Variants in SLC7A8 observed in about 807,000 individuals in gnomAD.
SLC7A8 encodes solute carrier family 7 member 8.
SLC7A8 carries 30 observed loss-of-function variants against 51.2 expected under a neutral mutation model. That is an observed-to-expected ratio of 0.59 (90% CI 0.44 to 0.80). The LOEUF (loss-of-function observed/expected upper bound fraction) is 0.80, where lower values mean the gene tolerates loss of function less well. SLC7A8 is among the 30% of genes least tolerant of loss of function. The probability of loss-of-function intolerance (pLI) is 0.00; values close to 1 mark genes in which losing one functional copy is unlikely to be tolerated. For synonymous variants in SLC7A8, 257 were observed against 275.8 expected (o/e 0.93, Z 0.67); for missense variants, 612 against 674.4 (o/e 0.91, Z 1.03).
At chr14:23,175,226 T>G (rs2048993678) in intron 1 of SLC7A8, among the ~76,000 whole-genome samples, 1 of 152,094 alleles carries the variant, frequency 6.6e-6, no homozygotes, top group African/African-American at 2.4e-5. Context: ...GTTTGTTTGT[T>G]TGTTTGTTGT....
chr14:23,177,337 A>C (rs569269395), intron 1 of SLC7A8, among the ~76,000 whole-genome samples: 16 of 152,386 alleles, frequency 1.0e-4, no homozygotes, highest in African/African-American at 3.8e-4. Flanking sequence ...CCAACTGTCC[A>C]ACCCTTGTTC....
intron 3 of SLC7A8, among the ~76,000 whole-genome samples, chr14:23,147,244 T>C (rs1174383096): frequency 6.6e-6 from 1 of 152,140 alleles, no homozygotes; most frequent in African/African-American, 2.4e-5. Context: ...TGTCTATCCA[T>C]CCACCCATCT....
At chr14:23,135,980 T>C (rs1049685733) in intron 7 of SLC7A8, among the ~76,000 whole-genome samples, 2 of 152,166 alleles carry the variant, frequency 1.3e-5, no homozygotes, top group Non-Finnish European at 2.9e-5. Flanking sequence ...TCAGTGCAAA[T>C]TGGACCACTT....
chr14:23,171,299 A>G (rs1252401752), intron 1 of SLC7A8, among the ~76,000 whole-genome samples: 2 of 152,212 alleles, frequency 1.3e-5, no homozygotes, highest in Non-Finnish European at 2.9e-5. Context: ...TGTTCTGTCA[A>G]AGAAAAACCA....
intron 1 of SLC7A8, among the ~76,000 whole-genome samples, chr14:23,180,939 A>G (rs925110928): frequency 6.6e-6 from 1 of 152,106 alleles, no homozygotes; most frequent in Non-Finnish European, 1.5e-5. Flanking sequence ...AGGCAGGAGA[A>G]TGGCGTGAAC....
At chr14:23,152,805 GA>G (rs1201604212) in intron 3 of SLC7A8, among the ~76,000 whole-genome samples, 1 of 152,140 alleles carries the variant, frequency 6.6e-6, no homozygotes, top group Non-Finnish European at 1.5e-5. Context: ...CTCCCTCAGG[GA>G]GCCAATGAAC....
At chr14:23,136,577 AAGG>A (rs1007665870) in intron 7 of SLC7A8, among the ~76,000 whole-genome samples, 3 of 152,088 alleles carry the variant, frequency 2.0e-5, no homozygotes, top group African/African-American at 7.2e-5. Context: ...AGAAGGAGGG[AAGG>A]AGAAGGAAGG....
intron 3 of SLC7A8, among the ~76,000 whole-genome samples, chr14:23,151,488 C>G (rs1032945554): frequency 1.3e-5 from 2 of 152,142 alleles, no homozygotes; most frequent in African/African-American, 4.8e-5. Flanking sequence ...CAGGCACAGT[C>G]ACTGACACCT....
At chr14:23,143,346 G>GGACCA in intron 3 of SLC7A8, 142 bp from the exon 4 acceptor site, 1 of 1,175,342 alleles carries the variant, frequency 8.5e-7, no homozygotes, top group Non-Finnish European at 1.2e-6. Context: ...TCAACCCCAG[G>GGACCA]GACCAGAGAC....
Position 23,127,931 on chromosome 14 carries a change from T to C in SLC7A8, c.1441+88A>G, listed in dbSNP as rs115623869. On this transcript the variant is annotated intron_variant, in intron 10 of 10. Coordinates refer to ENST00000316902, the MANE Select transcript of SLC7A8 (RefSeq NM_012244.4). The stretch of plus-strand genomic sequence containing the variant: ...GAGGAGAAGGTGAGCCTAGATCTCC[T>C]GGCCCTGGTGGCTCCCCAACCCCAT... 2.5e-6 allele frequency: 3 copies of C among 1,178,336 alleles called. No homozygotes were observed. In the Admixed American group the frequency reaches 6.4e-5, roughly 25 times the overall value. The allele number at this position is 1,178,336 out of a possible 1,614,324, so 73.0% of individuals were successfully genotyped here. A position where few individuals can be genotyped will look rare whatever the true frequency, so the allele number is the denominator to read the frequency against.
Position 23,128,911 on chromosome 14 carries a change from T to C in SLC7A8, c.1264-715A>G, listed in dbSNP as rs2048605750. 6.6e-6 allele frequency among the ~76,000 whole-genome samples: 1 copy of C among 152,188 alleles called. No individual in the cohort carries two copies. The highest frequency in any genetic ancestry group is 1.5e-5 in the Non-Finnish European group (1 of 68,028). On this transcript the variant is annotated intron_variant, in intron 9 of 10. Coordinates refer to ENST00000316902, the MANE Select transcript of SLC7A8 (RefSeq NM_012244.4). This position sits in a 1 kb window ranked among gnomAD's most constrained non-coding sequence, Gnocchi z 4.3. ...GGCGGTGGAAATGCCAGTGAGGAAC[T>C]GAGAGATTTGGAGAGCCTTTGATTT... is the stretch of plus-strand genomic sequence containing the variant.
Position 23,160,553 on chromosome 14 carries a change from G to A in SLC7A8, c.508+4732C>T, listed in dbSNP as rs913809648. ...GCCACTGCACTCCAGCCTGGGTGAC[G>A]GAGGGAGACTCCGTCTTAAAAAAAA... On this transcript the variant is annotated intron_variant, in intron 3 of 10. Coordinates refer to ENST00000316902, the MANE Select transcript of SLC7A8 (RefSeq NM_012244.4). Among the ~76,000 whole-genome samples, 8 of 145,032 alleles carry A rather than the reference G, an allele frequency of 5.5e-5. No homozygotes were observed. The South Asian group carries it at 9.2e-4, about 17-fold the overall frequency.
At chr14:23,139,308 T>G in intron 6 of SLC7A8, 116 bp downstream of exon 6, 1 of 1,517,804 alleles carries the variant, frequency 6.6e-7, no homozygotes, top group Non-Finnish European at 9.1e-7. Flanking sequence ...CCCTGAGAAC[T>G]TGGGGGTGAT....
At chr14:23,169,137 C>T (rs56188090) in intron 1 of SLC7A8, among the ~76,000 whole-genome samples, 3,361 of 152,226 alleles carry the variant, frequency 0.022, 131 homozygotes, top group African/African-American at 0.077. Context: ...TCACTTCAGT[C>T]CAGGAGTTCG....
chr14:23,180,276 C>T (rs558329354), intron 1 of SLC7A8, among the ~76,000 whole-genome samples: 1 of 152,234 alleles, frequency 6.6e-6, no homozygotes, highest in East Asian at 1.9e-4. Context: ...GAAATCTACA[C>T]AGAAAATGCC....
intron 3 of SLC7A8, among the ~76,000 whole-genome samples, chr14:23,158,834 T>C (rs891422150): frequency 1.3e-5 from 2 of 152,208 alleles, no homozygotes; most frequent in Non-Finnish European, 2.9e-5. Context: ...CATTCTTAGT[T>C]CAGGCTACCA....
intron 8 of SLC7A8, among the ~76,000 whole-genome samples, chr14:23,130,353 A>G (rs1196235712): frequency 6.6e-6 from 1 of 152,154 alleles, no homozygotes; most frequent in African/African-American, 2.4e-5. Context: ...TAACTCACTT[A>G]ACCCTCATAA....
chr14:23,141,303 A>AAAC (rs2048743144), intron 4 of SLC7A8, among the ~76,000 whole-genome samples: 1 of 152,202 alleles, frequency 6.6e-6, no homozygotes, highest in Non-Finnish European at 1.5e-5. Context: ...AAAAAAGAAA[A>AAAC]AAACAAACAA....
At chr14:23,166,082 A>G (rs148641718) in intron 2 of SLC7A8, among the ~76,000 whole-genome samples, 2 of 151,578 alleles carry the variant, frequency 1.3e-5, no homozygotes, top group East Asian at 3.9e-4. Flanking sequence ...TCACTCATAG[A>G]CTCCTTCCCA....
Sources: allele counts gnomAD v4.1 joint callset (sites outside exome capture counted in the v4.1 genomes callset), GRCh38; gene constraint gnomAD v4.1.1; non-coding constraint Gnocchi (gnomAD v3.1); transcripts MANE v1.5; gene names NCBI Gene and HGNC (gene_info 2026-07-23, HGNC 2026-07-21).